Variants in NCOA7 observed in about 807,000 individuals in gnomAD.
NCOA7 encodes 140 kDa estrogen receptor-associated protein.
A neutral mutation model predicts 104.3 loss-of-function variants in NCOA7; 45 were observed. The ratio of observed to expected loss-of-function variants is 0.43; its 90% CI spans 0.34 to 0.55. The LOEUF (loss-of-function observed/expected upper bound fraction) is 0.55, where lower values mean the gene tolerates loss of function less well. NCOA7 is among the 20% of genes least tolerant of loss of function. The pLI is 0.02. For missense variants in NCOA7, 1,041 were observed against 1,119.7 expected (o/e 0.93, Z 1.00); for synonymous variants, 398 against 402.3 (o/e 0.99, Z 0.13).
intron 10 of NCOA7, chr6:125,899,969 A>G (rs776333645): frequency 3.8e-6 from 2 of 532,482 alleles, no homozygotes; most frequent in African/African-American, 1.9e-5. Flanking sequence ...CTGAGGGTCC[A>G]TTTCCACTGC....
At chr6:125,872,952 G>T (rs534374213) in intron 3 of NCOA7, among the ~76,000 whole-genome samples, 21 of 152,270 alleles carry the variant, frequency 1.4e-4, no homozygotes, top group African/African-American at 3.9e-4. Flanking sequence ...CGGATGACTA[G>T]AACAGGACTG....
chr6:125,860,798 G>GC, intron 3 of NCOA7, among the ~76,000 whole-genome samples: 1 of 152,280 alleles, frequency 6.6e-6, no homozygotes, highest in South Asian at 2.1e-4. Flanking sequence ...ACATAGCTGT[G>GC]CAGCCATAAG....
At chr6:125,919,823 G>A (rs895166402) in intron 11 of NCOA7, among the ~76,000 whole-genome samples, 4 of 152,138 alleles carry the variant, frequency 2.6e-5, no homozygotes, top group Admixed American at 2.0e-4. Flanking sequence ...AGACGCCAGC[G>A]GGTACTTTGT....
In NCOA7 at chr6:125,888,640, T is replaced by C. The variant is rs1420971685; in HGVS notation, c.885-299T>C. Among the ~76,000 whole-genome samples the C allele has an allele frequency of 2.0e-5, 3 of 152,346 alleles. No homozygotes were observed. In the East Asian group the frequency reaches 5.8e-4, roughly 29 times the overall value. On this transcript the variant is annotated intron_variant, in intron 8 of 15. Transcript: ENST00000392477. ...TATTATTTCATATTTAGAAATCTTATGGGTAACATCTTCATGTTCATGTAT... is the reference window on the plus strand; with the variant it reads ...TATTATTTCATATTTAGAAATCTTACGGGTAACATCTTCATGTTCATGTAT...
At chr6:125,856,880 A>G (rs749542594) in intron 3 of NCOA7, among the ~76,000 whole-genome samples, 16 of 152,332 alleles carry the variant, frequency 1.1e-4, no homozygotes, top group Admixed American at 3.3e-4. Flanking sequence ...CCTTGTATCC[A>G]TGTTTAATGA....
chr6:125,881,547 TG>T (rs538672350), intron 6 of NCOA7, among the ~76,000 whole-genome samples: 15 of 151,898 alleles, frequency 9.9e-5, no homozygotes, highest in Non-Finnish European at 1.9e-4. Flanking sequence ...GGCTCAAACC[TG>T]TAGTCCCACC....
chr6:125,785,629 T>C (rs2128537807), intron 1 of NCOA7, among the ~76,000 whole-genome samples: 1 of 152,358 alleles, frequency 6.6e-6, no homozygotes, highest in South Asian at 2.1e-4. Flanking sequence ...TTAAATTATA[T>C]TTTAGCACCA....
At chr6:125,919,017 C>T (rs751655309) in intron 11 of NCOA7, among the ~76,000 whole-genome samples, 12 of 150,260 alleles carry the variant, frequency 8.0e-5, no homozygotes, top group Non-Finnish European at 1.6e-4. Flanking sequence ...ACTGGAGGGA[C>T]GATTAGGAAA....
intron 13 of NCOA7, among the ~76,000 whole-genome samples, chr6:125,925,132 T>C (rs1162389718): frequency 6.6e-6 from 1 of 152,186 alleles, no homozygotes; most frequent in Non-Finnish European, 1.5e-5. Flanking sequence ...GTCCCTAGCT[T>C]CAGAGCAGTG....
rs1788469488 is a variant in NCOA7 at position 125,931,671 on chromosome 6, C to A, written c.*2900C>A. On this transcript the variant is annotated 3_prime_UTR_variant, in exon 16 of 16. Transcript: ENST00000392477. Reference sequence around the variant, plus strand: ...TCCTGCACTATTATAAGTATGTCTTCCCTTAATTTGATCTCCCTCTCCTTG... The same window carrying A: ...TCCTGCACTATTATAAGTATGTCTTACCTTAATTTGATCTCCCTCTCCTTG... 6.6e-6 allele frequency: 1 copy of A among 152,170 alleles called. No individual in the cohort carries two copies. Among genetic ancestry groups the A allele is most frequent in the African/African-American group, 2.4e-5 (1 of 41,434 alleles). The allele number at this position is 152,170 out of a possible 1,614,324, so 9.4% of individuals were successfully genotyped here.
chr6:125,828,952 TC>T (rs1217586476), intron 2 of NCOA7, among the ~76,000 whole-genome samples: 2 of 152,186 alleles, frequency 1.3e-5, no homozygotes, highest in African/African-American at 4.8e-5. Context: ...CAGGGTCTCT[TC>T]CTACTTGTAT....
At chr6:125,847,882 A>G (rs1780763975) in intron 2 of NCOA7, among the ~76,000 whole-genome samples, 1 of 152,226 alleles carries the variant, frequency 6.6e-6, no homozygotes, top group Admixed American at 6.5e-5. Flanking sequence ...ACAGAATGGG[A>G]GAAAAATTTT....
At position 125,919,480 on chromosome 6, in the gene NCOA7, A is replaced by C. The variant is rs373685850; in HGVS notation, c.2245-1463A>C. 4.5e-6 allele frequency: 7 copies of C among 1,553,480 alleles called. No individual in the cohort carries two copies. In the African/African-American group the frequency reaches 5.4e-5, roughly 12 times the overall value. ...GCTAATAAGGTGCTGGTGAATTCTC[A>C]GTGATGTACCTCCGAGTTTCTTTTG... On this transcript the variant is annotated intron_variant, in intron 11 of 15. Transcript: ENST00000392477.
intron 2 of NCOA7, among the ~76,000 whole-genome samples, chr6:125,816,221 G>A (rs749786334): frequency 6.6e-6 from 1 of 152,120 alleles, no homozygotes; most frequent in African/African-American, 2.4e-5. Flanking sequence ...GTTTGTTGTT[G>A]ATGTTTTTAT....
At chr6:125,877,574 C>G (rs1190598627) in intron 4 of NCOA7, among the ~76,000 whole-genome samples, 1 of 152,144 alleles carries the variant, frequency 6.6e-6, no homozygotes, top group Non-Finnish European at 1.5e-5. Flanking sequence ...CTCCTCACTG[C>G]CCTCTATTCC....
chr6:125,924,064 T>C (rs1304699965), intron 13 of NCOA7, among the ~76,000 whole-genome samples: 1 of 152,132 alleles, frequency 6.6e-6, no homozygotes, highest in Non-Finnish European at 1.5e-5. Flanking sequence ...AGAGTCAAGA[T>C]AAAAAAATTA....
rs768144810 is a variant in NCOA7 at position 125,889,584 on chromosome 6, A to G, written c.1530A>G (p.Thr510=). 2 of 1,614,004 alleles carry G rather than the reference A, an allele frequency of 1.2e-6. No individual in the cohort carries two copies. The highest frequency in any genetic ancestry group is 1.7e-6 in the Non-Finnish European group (2 of 1,179,984). ...CGCCAGAAAGCCGAGTAGAAAACAC[A>G]CTGAACATACATGAAGATTTAGATA... is the stretch of plus-strand genomic sequence containing the variant. ...SGSPESRVEN[T]LNIHEDLDKV... Residue 510 remains threonine (T), a synonymous_variant, in exon 9 of 16, where the codon ACA becomes ACG. Coordinates refer to ENST00000392477, the MANE Select transcript of NCOA7 (RefSeq NM_181782.5).
chr6:125,926,203 C>T (rs1025259506), intron 13 of NCOA7, among the ~76,000 whole-genome samples: 16 of 150,962 alleles, frequency 1.1e-4, no homozygotes, highest in African/African-American at 3.7e-4. Context: ...CCCAGCTACT[C>T]GGGAGGCTGA....
At chr6:125,910,825 A>G (rs36066175) in intron 10 of NCOA7, among the ~76,000 whole-genome samples, 5,525 of 152,314 alleles carry the variant, frequency 0.036, 245 homozygotes, top group African/African-American at 0.1. Context: ...CTATGTAACT[A>G]TAATAAATCC....
Sources: allele counts gnomAD v4.1 joint callset (sites outside exome capture counted in the v4.1 genomes callset), GRCh38; gene constraint gnomAD v4.1.1; transcripts MANE v1.5; gene names NCBI Gene and HGNC (gene_info 2026-07-23, HGNC 2026-07-21).